Variants in PNPLA8 observed in about 807,000 individuals in gnomAD.
The protein encoded by PNPLA8 is patatin like domain 8, phospholipase A2, also known as calcium-independent phospholipase A2-gamma.
PNPLA8 carries 39 observed loss-of-function variants against 76.9 expected under a neutral mutation model. That is an observed-to-expected ratio of 0.51 (90% CI 0.39 to 0.66). The LOEUF (loss-of-function observed/expected upper bound fraction) is 0.66. PNPLA8 is among the 30% of genes least tolerant of loss of function. The pLI is 0.00. For synonymous variants in PNPLA8, 301 were observed against 307.9 expected (o/e 0.98, Z 0.24); for missense variants, 887 against 918.0 (o/e 0.97, Z 0.44).
intron 9 of PNPLA8, among the ~76,000 whole-genome samples, chr7:108,486,101 G>T (rs566919073): frequency 1.1e-4 from 16 of 151,890 alleles, no homozygotes; most frequent in Non-Finnish European, 1.8e-4. Context: ...GAATTACTTT[G>T]GTAATATATA....
chr7:108,504,999 C>G (rs1189029741), intron 4 of PNPLA8, among the ~76,000 whole-genome samples: 2 of 152,036 alleles, frequency 1.3e-5, no homozygotes, highest in Non-Finnish European at 2.9e-5. Flanking sequence ...TCATTTTAAC[C>G]TGGGAGGCAG....
At chr7:108,516,927 C>A (rs984484769) in intron 2 of PNPLA8, among the ~76,000 whole-genome samples, 110 of 145,806 alleles carry the variant, frequency 7.5e-4, no homozygotes, top group African/African-American at 2.3e-3. Context: ...AAAAAAAAAA[C>A]CAACCTTCTG....
At chr7:108,492,396 G>A (rs746385749) in intron 7 of PNPLA8, among the ~76,000 whole-genome samples, 1 of 151,870 alleles carries the variant, frequency 6.6e-6, no homozygotes, top group Non-Finnish European at 1.5e-5. Flanking sequence ...TCTTTTTAAG[G>A]TTCTTTGTCT....
intron 2 of PNPLA8, among the ~76,000 whole-genome samples, chr7:108,518,739 A>G (rs1863524464): frequency 7.1e-6 from 1 of 140,968 alleles, no homozygotes; most frequent in Admixed American, 7.0e-5. Flanking sequence ...ATATATATAT[A>G]TATATATATA....
upstream of PNPLA8, among the ~76,000 whole-genome samples, chr7:108,526,484 T>A (rs189257856): frequency 2.6e-3 from 397 of 152,340 alleles, 2 homozygotes; most frequent in African/African-American, 9.1e-3. Flanking sequence ...CGGAGCAGTG[T>A]CCTGGTTTGC....
chr7:108,500,399 C>T (rs1297686674), intron 5 of PNPLA8, among the ~76,000 whole-genome samples: 1 of 152,180 alleles, frequency 6.6e-6, no homozygotes, highest in Non-Finnish European at 1.5e-5. Context: ...TGAGAAATAG[C>T]CTCTAAGATC....
intron 9 of PNPLA8, among the ~76,000 whole-genome samples, chr7:108,480,482 C>T (rs527727380): frequency 1.3e-5 from 2 of 152,270 alleles, no homozygotes; most frequent in South Asian, 2.1e-4. Flanking sequence ...GCCAGTTAAC[C>T]GTCCGCTGAG....
chr7:108,523,964 C>T (rs74358476), intron 1 of PNPLA8, among the ~76,000 whole-genome samples: 3,145 of 152,232 alleles, frequency 0.021, 43 homozygotes, highest in African/African-American at 0.028. Context: ...CTGAAAAATA[C>T]GGAGAGTGCC....
chr7:108,503,098 A>G (rs1267209752), intron 4 of PNPLA8, among the ~76,000 whole-genome samples: 1 of 152,246 alleles, frequency 6.6e-6, no homozygotes, highest in Non-Finnish European at 1.5e-5. Flanking sequence ...TTGCCTCATA[A>G]AAGAATACAA....
intron 10 of PNPLA8, 95 bp from the exon 11 acceptor site, chr7:108,472,770 CT>C: frequency 1.3e-6 from 1 of 796,732 alleles, no homozygotes; most frequent in South Asian, 2.5e-5. Flanking sequence ...AAATTAACTT[CT>C]TTTTAGGCAC....
At chr7:108,527,246 T>C (rs1199824534), upstream of PNPLA8, among the ~76,000 whole-genome samples, 1 of 152,236 alleles carries the variant, frequency 6.6e-6, no homozygotes, top group East Asian at 1.9e-4. Flanking sequence ...TCAAATGTAG[T>C]GGATGTTACC....
chr7:108,514,016 C>A, intron 4 of PNPLA8, 128 bp downstream of exon 4: 1 of 651,526 alleles, frequency 1.5e-6, no homozygotes, highest in Non-Finnish European at 2.7e-6. Flanking sequence ...TTACTGAATA[C>A]ACATCACATG....
intron 4 of PNPLA8, among the ~76,000 whole-genome samples, chr7:108,507,108 C>T (rs577635633): frequency 1.1e-3 from 166 of 151,872 alleles, no homozygotes; most frequent in African/African-American, 3.7e-3. Context: ...TTTGGGCGGC[C>T]GAGGCAGGTG....
Position 108,514,293 on chromosome 7 carries a change from T to C in PNPLA8, c.1057A>G (p.Ile353Val), listed in dbSNP as rs150283409. The C allele has an allele frequency of 3.2e-5, 51 of 1,607,596 alleles. No individual in the cohort carries two copies. In the African/African-American group the frequency reaches 5.8e-4, roughly 18 times the overall value. The change falls in exon 4 of 11, where the codon ATT (isoleucine) becomes GTT (valine). Residue 353 changes from isoleucine (I) to valine (V), a missense_variant and splice_region_variant. Transcript: ENST00000257694. ...KKRLSLQREK[I>V]IARVSIDNRT... ...TTATCAATACTCACCCTTGCGATAA[T>C]CTACAAAGACATATTAAATAGATAT...
chr7:108,518,980 G>T (rs1435658955), intron 2 of PNPLA8, among the ~76,000 whole-genome samples: 2 of 150,364 alleles, frequency 1.3e-5, no homozygotes. Flanking sequence ...GTTTTATTTT[G>T]TAATTAGAAA....
intron 4 of PNPLA8, among the ~76,000 whole-genome samples, chr7:108,503,320 C>T (rs910945073): frequency 6.6e-6 from 1 of 152,288 alleles, no homozygotes; most frequent in Middle Eastern, 3.4e-3. Flanking sequence ...GTCAGTACCG[C>T]AGGTTTAATG....
chr7:108,523,970 G>A (rs1440977315), intron 1 of PNPLA8, among the ~76,000 whole-genome samples: 2 of 152,206 alleles, frequency 1.3e-5, no homozygotes, highest in Non-Finnish European at 2.9e-5. Flanking sequence ...AATACGGAGA[G>A]TGCCATTTGC....
At position 108,487,771 on chromosome 7, in the gene PNPLA8, A is replaced by C; in HGVS notation, c.1866T>G (p.Asn622Lys). 6.3e-7 allele frequency: 1 copy of C among 1,598,624 alleles called. No individual in the cohort carries two copies. The highest frequency in any genetic ancestry group is 8.5e-7 in the Non-Finnish European group (1 of 1,173,168). Residue 622 changes from asparagine to lysine, a missense_variant, in exon 9 of 11, where the codon AAT becomes AAG. Transcript: ENST00000257694. ...PGYFAEYALG[N>K]DLHQDGGLLL... ...CAAGTCAACTTACTTGATGAAGATCATTTCCCAATGCATATTCTGCAAAGT... is the reference window on the plus strand; with the variant it reads ...CAAGTCAACTTACTTGATGAAGATCCTTTCCCAATGCATATTCTGCAAAGT...
chr7:108,496,653 A>G lies in PNPLA8; in HGVS notation c.1556T>C (p.Ile519Thr), dbSNP rs375293468. The change falls in exon 7 of 11, where the codon ATT (isoleucine) becomes ACT (threonine). Residue 519 changes from isoleucine to threonine, a missense_variant. Transcript: ENST00000257694. ...CCAACTCATTTTTACTGTTCCAACA[A>G]TGACATTTTGTGAAAATACATCTGA... Reference protein sequence around the residue: ...LGSDVFSQNVIVGTVKMSWSH... With the variant: ...LGSDVFSQNVTVGTVKMSWSH... The G allele has an allele frequency of 6.2e-7, 1 of 1,612,802 alleles. No individual in the cohort carries two copies. The highest frequency in any genetic ancestry group is 8.5e-7 in the Non-Finnish European group (1 of 1,179,384).
Sources: allele counts gnomAD v4.1 joint callset (sites outside exome capture counted in the v4.1 genomes callset), GRCh38; gene constraint gnomAD v4.1.1; transcripts MANE v1.5; gene names NCBI Gene and HGNC (gene_info 2026-07-23, HGNC 2026-07-21).